The following RETREG3 variants were observed in gnomAD, a reference collection of about 807,000 sequenced individuals.
RETREG3 encodes reticulophagy regulator 3.
A neutral mutation model predicts 50.2 loss-of-function variants in RETREG3; 23 were observed. That is an observed-to-expected ratio of 0.46 (90% CI 0.33 to 0.65). The LOEUF is 0.65. Ranked by LOEUF, RETREG3 falls within the 30% of genes least tolerant of loss-of-function variation. The pLI, the probability that RETREG3 is intolerant of heterozygous loss-of-function variation, is 0.02. For synonymous variants in RETREG3, 240 were observed against 234.4 expected, an observed-to-expected ratio of 1.02 and a Z score of -0.22; for missense variants, 546 against 598.0, an observed-to-expected ratio of 0.91 and a Z score of 0.91.
In RETREG3 at chr17:42,586,068, G is replaced by A; in HGVS notation, c.574C>T (p.Leu192=). ...VLGRYVPGLL[L]SYLMLVTVMM... The stretch of plus-strand genomic sequence containing the variant: ...TCATACTTACGCATCAAGTAGGACA[G>A]CAGAAGCCCAGGGACGTAGCGGCCC... The change falls in exon 5 of 9, where the codon CTG becomes TTG. Residue 192 remains leucine, a synonymous_variant. Transcript: ENST00000309428. 1 of 1,614,096 alleles carries A rather than the reference G, an allele frequency of 6.2e-7. No individual in the cohort carries two copies. The highest frequency in any genetic ancestry group is 1.3e-5 in the African/African-American group (1 of 75,034).
In RETREG3 at chr17:42,609,334, G is replaced by A. The variant is rs773127121; in HGVS notation, c.-10C>T. ...CTTCGGCCTCAGCCATCTCCCCGCG[G>A]CAGCCACAACATCCGGGGCCGTGGC... On this transcript the variant is annotated 5_prime_UTR_variant, in exon 1 of 9. Transcript: ENST00000309428. 5.6e-6 allele frequency: 9 copies of A among 1,593,072 alleles called. No individual in the cohort carries two copies. The highest frequency in any genetic ancestry group is 6.0e-6 in the Non-Finnish European group (7 of 1,175,736).
intron 1 of RETREG3, among the ~76,000 whole-genome samples, chr17:42,604,779 A>G (rs1476113354): frequency 6.6e-6 from 1 of 150,564 alleles, no homozygotes; most frequent in Non-Finnish European, 1.5e-5. Context: ...TAGGTGGGAG[A>G]GGGAGCTTGG....
chr17:42,583,703 CATAATA>C, intron 6 of RETREG3, 123 bp from the exon 7 acceptor site: 1 of 801,596 alleles, frequency 1.2e-6, no homozygotes, highest in South Asian at 2.3e-5. Flanking sequence ...TCTAAGCCTA[CATAATA>C]ATAACAGAAG....
At chr17:42,583,641 C>T (rs1306504639) in intron 6 of RETREG3, 61 bp from the exon 7 acceptor site, 3 of 1,488,370 alleles carry the variant, frequency 2.0e-6, no homozygotes, top group Non-Finnish European at 2.8e-6. Context: ...CCCCTTTGGA[C>T]TTTAAAGACA....
intron 1 of RETREG3, among the ~76,000 whole-genome samples, chr17:42,605,665 A>G (rs1006612103): frequency 8.5e-5 from 13 of 152,268 alleles, no homozygotes; most frequent in African/African-American, 3.1e-4. Context: ...TCCTCTCCAG[A>G]AATGGCATAC....
At chr17:42,584,440 C>A (rs2093116750) in intron 6 of RETREG3, among the ~76,000 whole-genome samples, 1 of 152,120 alleles carries the variant, frequency 6.6e-6, no homozygotes. Flanking sequence ...ACACTTACAA[C>A]CTCTGAGGCA....
At chr17:42,592,425 T>C (rs2093135116) in intron 1 of RETREG3, among the ~76,000 whole-genome samples, 1 of 152,216 alleles carries the variant, frequency 6.6e-6, no homozygotes, top group Admixed American at 6.5e-5. Context: ...CCTTCTGCTT[T>C]CCAGTCTATA....
rs755904338 is a variant in RETREG3 at position 42,585,173 on chromosome 17, C to T, written c.679G>A (p.Asp227Asn). The change falls in exon 6 of 9, where the codon GAC becomes AAC. Residue 227 changes from aspartate (D) to asparagine (N), a missense_variant. Transcript: ENST00000309428. ...VRLKPALQRL[D>N]FSVRGYMMSK... ...ATCATGTAGCCACGGACACTGAAGT[C>T]TAGCCGCTGCAGAGCTGGCTTCAGC... is the stretch of plus-strand genomic sequence containing the variant. 1.5e-5 allele frequency: 25 copies of T among 1,613,750 alleles called. No individual in the cohort carries two copies. Among genetic ancestry groups the T allele is most frequent in the Non-Finnish European group, 1.1e-5 (13 of 1,180,056 alleles).
rs759892862 is a variant in RETREG3, at chr17:42,581,810, G to A, written c.*3C>T. The A allele has an allele frequency of 1.9e-6, 3 of 1,563,098 alleles. No homozygotes were observed. The highest frequency in any genetic ancestry group is 1.4e-5 in the African/African-American group (1 of 73,186). ...ACAGTGACTCCCAAAAGGAGTCTCT[G>A]CCTCAGTGGCTCCTAGAACTGGCAG... On this transcript the variant is annotated 3_prime_UTR_variant, in exon 9 of 9. Coordinates refer to ENST00000309428, the MANE Select transcript of RETREG3 (RefSeq NM_178126.4).
In RETREG3 at chr17:42,582,174, T is replaced by C. The variant is rs1256383586; in HGVS notation, c.1040A>G (p.Asp347Gly). 1 of 1,613,812 alleles carries C rather than the reference T, an allele frequency of 6.2e-7. No homozygotes were observed. The highest frequency in any genetic ancestry group is 8.5e-7 in the Non-Finnish European group (1 of 1,179,996). ...NMDPAGLDDEDDTSIGMPSLM... is the reference protein window; with the variant it reads ...NMDPAGLDDEGDTSIGMPSLM... ...GCTGGGCATGCCAATGCTAGTGTCG[T>C]CCTCATCATCCAGGCCAGCAGGATC... Residue 347 changes from aspartate (D) to glycine (G), a missense_variant, in exon 9 of 9, where the codon GAC (aspartate) becomes GGC (glycine). By Grantham distance (94) the Asp-to-Gly change is moderately conservative. Coordinates refer to ENST00000309428, the MANE Select transcript of RETREG3 (RefSeq NM_178126.4).
chr17:42,589,977 G>A (rs2093129273), intron 2 of RETREG3, among the ~76,000 whole-genome samples: 1 of 152,322 alleles, frequency 6.6e-6, no homozygotes, highest in Non-Finnish European at 1.5e-5. Flanking sequence ...AAGGCACGCG[G>A]ATCACTTGAG....
In RETREG3 at chr17:42,581,228, G is replaced by C. The variant is rs945019870; in HGVS notation, c.*585C>G. ...AAATACCAAAAGAAAAATTAGCCGG[G>C]CATAGTAGCGGGCACCTGTAATCCC... is the stretch of plus-strand genomic sequence containing the variant. On this transcript the variant is annotated 3_prime_UTR_variant, in exon 9 of 9. Coordinates refer to ENST00000309428, the MANE Select transcript of RETREG3 (RefSeq NM_178126.4). 1 of 152,148 alleles carries C rather than the reference G, an allele frequency of 6.6e-6. No homozygotes were observed. Among genetic ancestry groups the C allele is most frequent in the Non-Finnish European group, 1.5e-5 (1 of 68,120 alleles). The allele number at this position is 152,148 out of a possible 1,614,324, so 9.4% of individuals were successfully genotyped here.
chr17:42,590,442 C>T (rs529320111), intron 2 of RETREG3, among the ~76,000 whole-genome samples: 75 of 152,100 alleles, frequency 4.9e-4, no homozygotes, highest in Middle Eastern at 3.4e-3. Context: ...AAGGCTGAGG[C>T]GGGCAGATCA....
Position 42,592,045 on chromosome 17 carries a change from A to G in RETREG3, c.346+11T>C. On this transcript the variant is annotated intron_variant, in intron 2 of 8. Coordinates refer to ENST00000309428, the MANE Select transcript of RETREG3 (RefSeq NM_178126.4). ...TTCAGTTCAGATTGTTCTAAATGCT[A>G]CCAAACTCACCTTTTATTTCAGGCC... The G allele has an allele frequency of 6.2e-7, 1 of 1,607,408 alleles. No homozygotes were observed. Among genetic ancestry groups the G allele is most frequent in the Non-Finnish European group, 8.5e-7 (1 of 1,175,138 alleles).
chr17:42,600,349 T>A (rs1417804767), intron 1 of RETREG3, among the ~76,000 whole-genome samples: 1 of 151,678 alleles, frequency 6.6e-6, no homozygotes, highest in Non-Finnish European at 1.5e-5. Context: ...GCCACTGCAC[T>A]CCAGCTTGGG....
intron 1 of RETREG3, among the ~76,000 whole-genome samples, chr17:42,597,475 C>T (rs2093147622): frequency 6.8e-6 from 1 of 146,910 alleles, no homozygotes; most frequent in African/African-American, 2.5e-5. Flanking sequence ...GAATGAGCCA[C>T]CGCGCCCAGC....
chr17:42,580,883 CA>C lies in RETREG3; in HGVS notation c.*929del. The C allele has an allele frequency of 6.6e-6, 1 of 150,722 alleles. No homozygotes were observed. The highest frequency in any genetic ancestry group is 2.4e-5 in the African/African-American group (1 of 41,048). 9.3% of individuals were successfully genotyped at this position (150,722 alleles called of 1,614,324 possible). A position where few individuals can be genotyped will look rare whatever the true frequency, so the allele number is the denominator to read the frequency against. The stretch of plus-strand genomic sequence containing the variant: ...TGAAACCCCATCTCTACTAAAAACA[CA>C]AAAAAATTAGCCGGGCATGGTGGTG... On this transcript the variant is annotated 3_prime_UTR_variant, in exon 9 of 9. Transcript: ENST00000309428.
intron 7 of RETREG3, 70 bp downstream of exon 7, chr17:42,583,428 T>G: frequency 1.0e-5 from 15 of 1,470,688 alleles, no homozygotes; most frequent in Non-Finnish European, 1.4e-5. Flanking sequence ...GGCCTAAATG[T>G]GAGCTGTCGG....
chr17:42,588,570 C>A (rs1597734663), intron 2 of RETREG3, among the ~76,000 whole-genome samples: 2 of 152,040 alleles, frequency 1.3e-5, no homozygotes, highest in East Asian at 3.9e-4. Flanking sequence ...GGGGTTTCAC[C>A]ATGTTGGCCA....
Sources: allele counts gnomAD v4.1 joint callset (sites outside exome capture counted in the v4.1 genomes callset), GRCh38; gene constraint gnomAD v4.1.1; transcripts MANE v1.5; gene names NCBI Gene and HGNC (gene_info 2026-07-23, HGNC 2026-07-21).